The following LINGO2 variants were observed in gnomAD, a reference collection of about 807,000 sequenced individuals.
The protein encoded by LINGO2 is leucine rich repeat and Ig domain containing 2, also known as leucine-rich repeat and immunoglobulin-like domain-containing nogo receptor-interacting protein 2.
Under a neutral mutation model 30.6 loss-of-function variants are expected in LINGO2, and 14 were observed. The observed-to-expected ratio is 0.46, with a 90% CI of 0.30 to 0.72. LINGO2 has a LOEUF of 0.72. LINGO2 is among the 30% of genes least tolerant of loss of function. LINGO2 has a pLI of 0.07. For missense variants in LINGO2, 729 were observed against 751.7 expected (o/e 0.97, Z 0.35); for synonymous variants, 317 against 288.5 (o/e 1.10, Z -1.00).
chr9:28,694,268 T>A, the LINGO2 span, among the ~76,000 whole-genome samples: 9 of 151,944 alleles, frequency 5.9e-5, no homozygotes, highest in Non-Finnish European at 8.8e-5. Context: ...CAAATGTTAA[T>A]AATAAAATAT....
At chr9:27,951,098 G>T (rs560493913) in intron 5 of LINGO2, among the ~76,000 whole-genome samples, 1 of 152,198 alleles carries the variant, frequency 6.6e-6, no homozygotes, top group Non-Finnish European at 1.5e-5. Flanking sequence ...GAAGAAAGCA[G>T]TTGAGTTTGA....
chr9:28,814,744 C>T, the LINGO2 span, among the ~76,000 whole-genome samples: 123 of 152,134 alleles, frequency 8.1e-4, no homozygotes, highest in Middle Eastern at 3.4e-3. Flanking sequence ...CAAAATTAGC[C>T]GGGCATGGTG....
chr9:28,622,258 C>T (rs1364882769), intron 1 of LINGO2, among the ~76,000 whole-genome samples: 1 of 151,938 alleles, frequency 6.6e-6, no homozygotes, highest in African/African-American at 2.4e-5. Context: ...TCCTTTCAAA[C>T]TAATTTTTGA....
chr9:28,070,043 G>A (rs1203423451), intron 4 of LINGO2, among the ~76,000 whole-genome samples: 1 of 152,084 alleles, frequency 6.6e-6, no homozygotes, highest in African/African-American at 2.4e-5. Context: ...GCTCATGTCC[G>A]TCCACTCTCT....
the LINGO2 span, among the ~76,000 whole-genome samples, chr9:29,133,659 T>C: frequency 6.6e-6 from 1 of 152,208 alleles, no homozygotes; most frequent in African/African-American, 2.4e-5. Flanking sequence ...CTGACACATT[T>C]ATTTATTGGC....
intron 5 of LINGO2, among the ~76,000 whole-genome samples, chr9:27,955,029 T>C (rs1819499484): frequency 6.6e-6 from 1 of 152,218 alleles, no homozygotes; most frequent in African/African-American, 2.4e-5. Flanking sequence ...TTTGTTTTCA[T>C]ATTCCTGTTG....
chr9:29,014,614 C>T, the LINGO2 span, among the ~76,000 whole-genome samples: 1 of 152,186 alleles, frequency 6.6e-6, no homozygotes, highest in African/African-American at 2.4e-5. Flanking sequence ...GTTAATATGG[C>T]CTAGACACAA....
At chr9:28,190,855 C>G (rs1266528002) in intron 4 of LINGO2, among the ~76,000 whole-genome samples, 3 of 152,130 alleles carry the variant, frequency 2.0e-5, no homozygotes, top group Admixed American at 2.0e-4. Context: ...GAAGAAACAT[C>G]TAAATTTTAA....
intron 3 of LINGO2, among the ~76,000 whole-genome samples, chr9:28,300,231 G>A (rs1393572680): frequency 6.6e-6 from 1 of 151,824 alleles, no homozygotes; most frequent in African/African-American, 2.4e-5. Flanking sequence ...GTGTTTTGCT[G>A]ATGAACATTT....
the LINGO2 span, among the ~76,000 whole-genome samples, chr9:28,928,837 C>T: frequency 1.3e-5 from 2 of 152,206 alleles, no homozygotes; most frequent in Non-Finnish European, 2.9e-5. Context: ...TTCTAGGCAG[C>T]GCAATCGGCC....
the LINGO2 span, among the ~76,000 whole-genome samples, chr9:28,983,153 T>C: frequency 2.0e-5 from 3 of 151,958 alleles, no homozygotes; most frequent in African/African-American, 7.2e-5. Flanking sequence ...CAGCCTGTTT[T>C]CAGACTACTA....
At chr9:29,105,845 C>T in the LINGO2 span, among the ~76,000 whole-genome samples, 6 of 152,182 alleles carry the variant, frequency 3.9e-5, no homozygotes, top group South Asian at 2.1e-4. Flanking sequence ...CCTGTCACCT[C>T]GGGGAGACAG....
intron 4 of LINGO2, among the ~76,000 whole-genome samples, chr9:28,288,209 C>T (rs112194966): frequency 5.3e-5 from 8 of 152,226 alleles, no homozygotes; most frequent in African/African-American, 1.4e-4. Context: ...TAGCCACTAC[C>T]GATACATCCA....
chr9:29,178,008 A>AT, the LINGO2 span, among the ~76,000 whole-genome samples: 4,524 of 141,062 alleles, frequency 0.032, 204 homozygotes, highest in African/African-American at 0.11. Context: ...TATCCCTTCC[A>AT]TTTTTTTTTT....
the LINGO2 span, among the ~76,000 whole-genome samples, chr9:28,791,661 T>G: frequency 6.6e-6 from 1 of 151,938 alleles, no homozygotes; most frequent in Non-Finnish European, 1.5e-5. Context: ...AATAAAAAAG[T>G]ACTCTACTTT....
intron 4 of LINGO2, among the ~76,000 whole-genome samples, chr9:28,042,224 AG>A (rs1224513546): frequency 6.6e-6 from 1 of 152,220 alleles, no homozygotes; most frequent in Non-Finnish European, 1.5e-5. Context: ...GGTTCATTTA[AG>A]AACAGACATG....
intron 4 of LINGO2, among the ~76,000 whole-genome samples, chr9:28,291,653 C>T (rs566206917): frequency 1.3e-5 from 2 of 152,150 alleles, no homozygotes; most frequent in African/African-American, 2.4e-5. Flanking sequence ...AGAAACCATT[C>T]GAGCTGAAGC....
intron 4 of LINGO2, among the ~76,000 whole-genome samples, chr9:28,245,693 A>G (rs1028733034): frequency 6.6e-6 from 1 of 152,086 alleles, no homozygotes; most frequent in Non-Finnish European, 1.5e-5. Flanking sequence ...CCCATTCACA[A>G]TTGCTACAAA....
intron 2 of LINGO2, among the ~76,000 whole-genome samples, chr9:28,469,376 AAG>A (rs1825432899): frequency 1.3e-5 from 2 of 152,244 alleles, no homozygotes; most frequent in Admixed American, 1.3e-4. Context: ...AAAAAGATAA[AAG>A]AGAGATAAAG....
Sources: gnomAD v4.1 joint callset for allele counts (sites outside exome capture counted in the v4.1 genomes callset) on GRCh38, gnomAD v4.1.1 for gene constraint, MANE v1.5 for transcripts, NCBI Gene and HGNC (gene_info 2026-07-23, HGNC 2026-07-21) for gene names.